The following HYCC2 variants were observed in gnomAD, a reference collection of about 807,000 sequenced individuals.
HYCC2 encodes the protein hyccin 2.
the HYCC2 span, chr2:201,017,238 TAAGGCACCTATATCTGTATAA>T: frequency 8.8e-7 from 1 of 1,141,030 alleles, no homozygotes; most frequent in Non-Finnish European, 1.2e-6. Context: ...TTTTTTTTTT[TAAGGCACCTATATCTGTATAA>T]TATTTTTAAA....
At chr2:201,047,477 T>C in the HYCC2 span, among the ~76,000 whole-genome samples, 5 of 146,892 alleles carry the variant, frequency 3.4e-5, no homozygotes, top group African/African-American at 1.3e-4. Context: ...CACACACACA[T>C]ATAAAACAGA....
At chr2:201,021,684 C>T in the HYCC2 span, 1 of 185,810 alleles carries the variant, frequency 5.4e-6, no homozygotes, top group Non-Finnish European at 1.1e-5. Flanking sequence ...GAAGAGCTTA[C>T]AATCTAAAGA....
chr2:200,980,887 A>G, the HYCC2 span: 1 of 194,894 alleles, frequency 5.1e-6, no homozygotes, highest in Non-Finnish European at 1.1e-5. Context: ...TTTGTTTTTA[A>G]ACAAAAGCCA....
the HYCC2 span, among the ~76,000 whole-genome samples, chr2:201,001,923 C>G: frequency 6.6e-6 from 1 of 152,026 alleles, no homozygotes; most frequent in Non-Finnish European, 1.5e-5. Flanking sequence ...CCACCTGCCT[C>G]AGCTTCCCAA....
At chr2:201,021,957 A>G in the HYCC2 span, 1 of 577,390 alleles carries the variant, frequency 1.7e-6, no homozygotes, top group Admixed American at 2.4e-5. Flanking sequence ...GCCAGTCACA[A>G]TTTAGGAGAC....
the HYCC2 span, among the ~76,000 whole-genome samples, chr2:201,017,759 AC>A: frequency 6.6e-6 from 1 of 152,180 alleles, no homozygotes; most frequent in African/African-American, 2.4e-5. Context: ...ATCATTTGTT[AC>A]TTAAATCTGT....
At chr2:201,048,050 A>C in the HYCC2 span, among the ~76,000 whole-genome samples, 2 of 152,116 alleles carry the variant, frequency 1.3e-5, no homozygotes, top group Non-Finnish European at 2.9e-5. Context: ...AAAAATATAT[A>C]TATCGGGGTA....
chr2:201,022,974 G>A, the HYCC2 span: 1 of 1,317,290 alleles, frequency 7.6e-7, no homozygotes, highest in Admixed American at 1.8e-5. Context: ...GAACATTTGA[G>A]AAGCAAGGAA....
chr2:200,979,149 C>T, the HYCC2 span: 1 of 151,580 alleles, frequency 6.6e-6, no homozygotes, highest in Non-Finnish European at 1.5e-5. Flanking sequence ...CTTTATAGCT[C>T]ATTTATTTTG....
chr2:200,986,656 C>T, the HYCC2 span, among the ~76,000 whole-genome samples: 1 of 152,130 alleles, frequency 6.6e-6, no homozygotes, highest in Non-Finnish European at 1.5e-5. Context: ...TATCTGACCT[C>T]TAAATAGAAT....
At chr2:201,033,977 A>T in the HYCC2 span, among the ~76,000 whole-genome samples, 3 of 139,118 alleles carry the variant, frequency 2.2e-5, no homozygotes, top group Non-Finnish European at 4.7e-5. Flanking sequence ...CCTCTAGTTT[A>T]AAAAAAAAAA....
chr2:200,995,717 A>G, the HYCC2 span, among the ~76,000 whole-genome samples: 1 of 152,216 alleles, frequency 6.6e-6, no homozygotes, highest in Admixed American at 6.5e-5. Flanking sequence ...AACTCCAGCT[A>G]ACATCTTAAC....
At chr2:201,066,697 C>A in the HYCC2 span, 10 of 152,184 alleles carry the variant, frequency 6.6e-5, no homozygotes, top group African/African-American at 2.4e-4. Flanking sequence ...CAAGATAGTG[C>A]CGAAGGCGAA....
the HYCC2 span, among the ~76,000 whole-genome samples, chr2:201,037,844 T>G: frequency 1.3e-5 from 2 of 152,112 alleles, no homozygotes. Context: ...AAGGACTTCA[T>G]GTCTAAAACA....
chr2:201,060,935 A>G, the HYCC2 span, among the ~76,000 whole-genome samples: 3 of 152,308 alleles, frequency 2.0e-5, no homozygotes, highest in East Asian at 5.8e-4. Flanking sequence ...GTACACTAAC[A>G]AATTTCATAC....
At chr2:200,982,272 C>G in the HYCC2 span, among the ~76,000 whole-genome samples, 1 of 151,694 alleles carries the variant, frequency 6.6e-6, no homozygotes, top group African/African-American at 2.4e-5. Context: ...CTTCTTTAAC[C>G]CACCATAAGA....
the HYCC2 span, among the ~76,000 whole-genome samples, chr2:200,995,243 T>C: frequency 6.6e-6 from 1 of 152,186 alleles, no homozygotes; most frequent in African/African-American, 2.4e-5. Context: ...AAGTAACAGC[T>C]AATTTAGATG....
the HYCC2 span, among the ~76,000 whole-genome samples, chr2:201,031,440 T>C: frequency 6.6e-6 from 1 of 151,950 alleles, no homozygotes. Context: ...TCACCTGAGG[T>C]TGGAAGTTCA....
At chr2:201,026,609 ACTGT>A in the HYCC2 span, among the ~76,000 whole-genome samples, 14 of 152,320 alleles carry the variant, frequency 9.2e-5, no homozygotes, top group African/African-American at 3.1e-4. Context: ...ATCACAACAA[ACTGT>A]CTTTCAGACC....
Sources: gnomAD v4.1 joint callset for allele counts (sites outside exome capture counted in the v4.1 genomes callset) on GRCh38, gnomAD v4.1.1 for gene constraint, MANE v1.5 for transcripts, NCBI Gene and HGNC (gene_info 2026-07-23, HGNC 2026-07-21) for gene names.